MRPL32: variants seen among roughly 807,000 people sequenced by gnomAD.
MRPL32 encodes mitochondrial ribosomal protein L32.
Under a neutral mutation model 21.7 loss-of-function variants are expected in MRPL32, and 14 were observed. The observed-to-expected ratio is 0.64, with a 90% confidence interval of 0.43 to 1.01. The LOEUF is 1.01. Ranked by LOEUF, MRPL32 falls within the 50% of genes least tolerant of loss-of-function variation. The probability of loss-of-function intolerance (pLI) is 0.00; values close to 1 mark genes in which losing one functional copy is unlikely to be tolerated. For missense variants in MRPL32, 211 were observed against 235.9 expected, an observed-to-expected ratio of 0.89 and a Z score of 0.69; for synonymous variants, 83 against 87.7, an observed-to-expected ratio of 0.95 and a Z score of 0.30.
chr7:42,936,317 G>A (rs1365603889), intron 2 of MRPL32: 2 of 151,994 alleles, frequency 1.3e-5, no homozygotes, highest in African/African-American at 4.8e-5. Context: ...TGTTACATAC[G>A]GTATATAGTG....
chr7:42,937,561 G>A lies in MRPL32; in HGVS notation c.552G>A (p.Trp184Ter), dbSNP rs1786449051. The change falls in exon 3 of 3, where the codon TGG (tryptophan) becomes TGA (stop). Residue 184 changes from tryptophan to a stop codon, truncating the protein, a stop_gained. Transcript: ENST00000223324. LOFTEE classifies it high-confidence loss of function. ...AACGAGACAGAAAGCGACCATCCTG[G>A]TTCACCCAGAATTGACACCAAAGAT... Reference protein sequence around the residue: ...IIERDRKRPSWFTQN With the variant: ...IIERDRKRPS The A allele has an allele frequency of 1.2e-6, 2 of 1,608,084 alleles. No individual in the cohort carries two copies.
chr7:42,933,423 C>T (rs1409162502), intron 1 of MRPL32, among the ~76,000 whole-genome samples: 2 of 151,968 alleles, frequency 1.3e-5, no homozygotes, highest in Non-Finnish European at 1.5e-5. Flanking sequence ...CTGGATCTGT[C>T]TTTCCTTTCC....
chr7:42,936,598 C>T (rs627521), intron 2 of MRPL32: 127,880 of 151,264 alleles, frequency 0.85, 54,257 homozygotes, highest in South Asian at 0.91. Flanking sequence ...TTCAAACCTA[C>T]ATCTAGAATA....
chr7:42,933,140 A>G (rs1463493161), intron 1 of MRPL32, among the ~76,000 whole-genome samples: 1 of 152,160 alleles, frequency 6.6e-6, no homozygotes, highest in Non-Finnish European at 1.5e-5. Flanking sequence ...ACGTATTTAC[A>G]ATTATATGCC....
intron 2 of MRPL32, 181 bp from the exon 3 acceptor site, chr7:42,937,141 A>G (rs1355883529): frequency 6.7e-7 from 1 of 1,487,946 alleles, no homozygotes; most frequent in Non-Finnish European, 9.1e-7. Context: ...CTCTAATTCA[A>G]ACTCAGTGTT....
chr7:42,932,806 G>A (rs1327616356), intron 1 of MRPL32, among the ~76,000 whole-genome samples: 1 of 149,196 alleles, frequency 6.7e-6, no homozygotes, highest in African/African-American at 2.4e-5. Flanking sequence ...GTAAAGCGCT[G>A]AAAACAGATT....
intron 1 of MRPL32, 115 bp downstream of exon 1, chr7:42,932,631 T>G: frequency 8.4e-7 from 1 of 1,186,768 alleles, no homozygotes. Flanking sequence ...CGGCCTCATG[T>G]CGGGGACGTA....
At chr7:42,932,608 C>T in intron 1 of MRPL32, 92 bp downstream of exon 1, 1 of 1,352,966 alleles carries the variant, frequency 7.4e-7, no homozygotes, top group Non-Finnish European at 9.7e-7. Context: ...CCCTCAGCCC[C>T]GGTTCTGATC....
At chr7:42,936,285 T>C (rs182485709) in intron 2 of MRPL32, 89 of 152,356 alleles carry the variant, frequency 5.8e-4, no homozygotes, top group African/African-American at 1.9e-3. Flanking sequence ...TGTGCATTTA[T>C]TTTCTTCCTT....
rs1378994957 is a variant in MRPL32 at position 42,937,523 on chromosome 7, A to G, written c.514A>G (p.Lys172Glu). ...GACACCGTCTGAACAAGATCAGGGC[A>G]AGAGGATCATTGAACGAGACAGAAA... The part of the protein sequence containing the change: ...GETPSEQDQG[K>E]RIIERDRKRP... Residue 172 changes from lysine to glutamate, a missense_variant, in exon 3 of 3, where the codon AAG (lysine) becomes GAG (glutamate). This residue lies in a region of MRPL32 where 130 missense variants were observed against 180.1 expected (regional missense o/e 0.72). Transcript: ENST00000223324. The G allele has an allele frequency of 1.2e-6, 2 of 1,613,930 alleles. No individual in the cohort carries two copies. Among genetic ancestry groups the G allele is most frequent in the Non-Finnish European group, 1.7e-6 (2 of 1,179,906 alleles).
chr7:42,935,011 A>C lies in MRPL32; in HGVS notation c.187A>C (p.Ser63Arg), dbSNP rs200792408. 126 of 1,614,084 alleles carry C rather than the reference A, an allele frequency of 7.8e-5. 1 individual carries two copies. The highest frequency in any genetic ancestry group is 1.2e-4 in the Admixed American group (7 of 59,986). ...AMFTEPANDT[S>R]GSKENSSLLD... ...GTTTACAGAGCCAGCAAATGATACC[A>C]GTGGAAGTAAAGAGAATTCCAGCCT... is the stretch of plus-strand genomic sequence containing the variant. The change falls in exon 2 of 3, where the codon AGT becomes CGT. Residue 63 changes from serine (S) to arginine (R), a missense_variant. By Grantham distance (110) the Ser-to-Arg change is moderately radical. This residue lies in a region of MRPL32 where 130 missense variants were observed against 180.1 expected (regional missense o/e 0.72). Transcript: ENST00000223324.
At chr7:42,935,274 TATTCTCATTATATAC>T (rs1248354401) in intron 2 of MRPL32, 138 bp downstream of exon 2, 2 of 687,732 alleles carry the variant, frequency 2.9e-6, no homozygotes, top group Non-Finnish European at 4.8e-6. Context: ...TGAAATACAG[TATTCTCATTATATAC>T]ATAATGAGAA....
chr7:42,932,440 A>G lies in MRPL32; in HGVS notation c.54A>G (p.Gly18=). The G allele has an allele frequency of 6.2e-7, 1 of 1,611,850 alleles. No homozygotes were observed. The highest frequency in any genetic ancestry group is 8.5e-7 in the Non-Finnish European group (1 of 1,178,858). ...TTTCGCCGTGGTCTGCGGCCCGGGG[A>G]GTGCTTCGAAACTACTGGGAGCGAC... The part of the protein sequence containing the change: ...LVVSPWSAAR[G]VLRNYWERLL... Residue 18 remains glycine, a synonymous_variant, in exon 1 of 3, where the codon GGA becomes GGG. Coordinates refer to ENST00000223324, the MANE Select transcript of MRPL32 (RefSeq NM_031903.3).
rs768611615 is a variant in MRPL32 at position 42,935,002 on chromosome 7, A to G, written c.178A>G (p.Asn60Asp). 6.2e-7 allele frequency: 1 copy of G among 1,613,934 alleles called. No individual in the cohort carries two copies. The highest frequency in any genetic ancestry group is 1.7e-5 in the Admixed American group (1 of 59,944). The change falls in exon 2 of 3, where the codon AAT becomes GAT. Residue 60 changes from asparagine to aspartate, a missense_variant. By Grantham distance (23) the Asn-to-Asp change is conservative. Transcript: ENST00000223324. ...QGPAMFTEPA[N>D]DTSGSKENSS... ...CCCAGCCATGTTTACAGAGCCAGCAAATGATACCAGTGGAAGTAAAGAGAA... is the reference window on the plus strand; with the variant it reads ...CCCAGCCATGTTTACAGAGCCAGCAGATGATACCAGTGGAAGTAAAGAGAA...
chr7:42,937,245 A>G, intron 2 of MRPL32, 77 bp from the exon 3 acceptor site: 1 of 1,611,076 alleles, frequency 6.2e-7, no homozygotes, highest in Non-Finnish European at 8.5e-7. Context: ...TTAAAATGTA[A>G]GCATTGCTCC....
intron 2 of MRPL32, chr7:42,936,562 G>A (rs1172284180): frequency 6.6e-6 from 1 of 151,716 alleles, no homozygotes; most frequent in Non-Finnish European, 1.5e-5. Context: ...TAATGATCCT[G>A]TTTAGTATTT....
In MRPL32 at chr7:42,935,104, A is replaced by G; in HGVS notation, c.280A>G (p.Arg94Gly). The G allele has an allele frequency of 6.2e-7, 1 of 1,612,630 alleles. No individual in the cohort carries two copies. The highest frequency in any genetic ancestry group is 8.5e-7 in the Non-Finnish European group (1 of 1,179,684). ...CACCATTGAAGTTAACCGGTGTAGG[A>G]GAAGAAATCCGCAGAAGCTTATTAA... ...RRTIEVNRCR[R>G]RNPQKLIKVK... Residue 94 changes from arginine (R) to glycine (G), a missense_variant, in exon 2 of 3, where the codon AGA (arginine) becomes GGA (glycine). Transcript: ENST00000223324.
chr7:42,937,450 C>G lies in MRPL32; in HGVS notation c.441C>G (p.Gly147=), dbSNP rs1786446636. The change falls in exon 3 of 3, where the codon GGC becomes GGG. Residue 147 remains glycine, a synonymous_variant. Transcript: ENST00000223324. The part of the protein sequence containing the change: ...IRRQIGKQEG[G]PFKAPTIETV... Reference sequence around the variant, plus strand: ...GACAGATAGGGAAGCAAGAAGGGGGCCCTTTTAAGGCTCCCACCATAGAGA... The same window carrying G: ...GACAGATAGGGAAGCAAGAAGGGGGGCCTTTTAAGGCTCCCACCATAGAGA... The G allele has an allele frequency of 6.2e-7, 1 of 1,613,876 alleles. No individual in the cohort carries two copies. Among genetic ancestry groups the G allele is most frequent in the African/African-American group, 1.3e-5 (1 of 74,876 alleles).
chr7:42,934,274 A>G (rs1253999589), intron 1 of MRPL32, among the ~76,000 whole-genome samples: 1 of 152,090 alleles, frequency 6.6e-6, no homozygotes, highest in Non-Finnish European at 1.5e-5. Flanking sequence ...TCTCAAAAAA[A>G]AAAAAAAAAA....
Sources: allele counts gnomAD v4.1 joint callset (sites outside exome capture counted in the v4.1 genomes callset), GRCh38; gene constraint gnomAD v4.1.1; regional missense constraint gnomAD v4.1.1; transcripts MANE v1.5; gene names NCBI Gene and HGNC (gene_info 2026-07-23, HGNC 2026-07-21).